MLLT10: variants seen among roughly 807,000 people sequenced by gnomAD.
The protein encoded by MLLT10 is MLLT10 histone lysine methyltransferase DOT1L cofactor.
MLLT10 carries 30 observed loss-of-function variants against 129.1 expected under a neutral mutation model. The ratio of observed to expected loss-of-function variants is 0.23; its 90% CI spans 0.17 to 0.32. The LOEUF (loss-of-function observed/expected upper bound fraction) is 0.32, where lower values mean the gene tolerates loss of function less well. Among genes scored for constraint, MLLT10 ranks in the 10% least tolerant of loss-of-function variants. The pLI is 1.00. For missense variants in MLLT10, 1,119 were observed against 1,268.3 expected, an observed-to-expected ratio of 0.88 and a Z score of 1.79; for synonymous variants, 490 against 446.4, an observed-to-expected ratio of 1.10 and a Z score of -1.23.
intron 2 of MLLT10, among the ~76,000 whole-genome samples, chr10:21,535,053 G>T (rs983183668): frequency 6.0e-5 from 9 of 149,654 alleles, no homozygotes; most frequent in African/African-American, 2.2e-4. Flanking sequence ...CCTGGGGCCG[G>T]GGTCTGCTGA....
At chr10:21,589,367 T>C (rs2131105847) in intron 4 of MLLT10, among the ~76,000 whole-genome samples, 1 of 151,922 alleles carries the variant, frequency 6.6e-6, no homozygotes, top group East Asian at 1.9e-4. Context: ...CATTCTGTTG[T>C]TCAGGCTGAA....
chr10:21,717,501 T>TCCA lies in MLLT10; in HGVS notation c.1878+3553_1878+3554insACC, dbSNP rs1366603771. ...CTTATATTCCTCCTCCTCCTCCTCC[T>TCCA]CCTCCTCCTCCTCCACCACCTCCTC... On this transcript the variant is annotated intron_variant, in intron 14 of 22. Coordinates refer to ENST00000307729, the MANE Select transcript of MLLT10 (RefSeq NM_001195626.3). Among the ~76,000 whole-genome samples the TCCA allele has an allele frequency of 5.7e-3, 450 of 78,764 alleles. 5 individuals carry two copies. Among genetic ancestry groups the TCCA allele is most frequent in the African/African-American group, 0.02 (429 of 21,030 alleles). The allele number at this position is 78,764 out of a possible 152,430, so 51.7% of individuals were successfully genotyped here. A position where few individuals can be genotyped will look rare whatever the true frequency, so the allele number is the denominator to read the frequency against.
intron 2 of MLLT10, among the ~76,000 whole-genome samples, chr10:21,538,154 A>ATT (rs747900217): frequency 3.0e-5 from 4 of 132,758 alleles, no homozygotes; most frequent in South Asian, 2.4e-4. Context: ...TGCCCAGCTA[A>ATT]TTTTTTTTTT....
intron 5 of MLLT10, among the ~76,000 whole-genome samples, chr10:21,609,412 A>G (rs1165616833): frequency 2.0e-5 from 3 of 152,202 alleles, no homozygotes; most frequent in African/African-American, 7.2e-5. Flanking sequence ...GGTCAGAGTA[A>G]CTAACTTTTC....
At chr10:21,562,540 G>A (rs2038961911) in intron 3 of MLLT10, among the ~76,000 whole-genome samples, 1 of 151,708 alleles carries the variant, frequency 6.6e-6, no homozygotes, top group African/African-American at 2.4e-5. Flanking sequence ...GTTTTACCAT[G>A]TTGGCGAGGC....
At chr10:21,730,527 G>A (rs1234768174) in intron 16 of MLLT10, among the ~76,000 whole-genome samples, 1 of 152,062 alleles carries the variant, frequency 6.6e-6, no homozygotes, top group African/African-American at 2.4e-5. Context: ...AAAGCAGAAT[G>A]GTGAAACCCT....
intron 8 of MLLT10, among the ~76,000 whole-genome samples, chr10:21,651,273 T>C (rs2049006622): frequency 6.6e-6 from 1 of 152,122 alleles, no homozygotes; most frequent in Admixed American, 6.5e-5. Flanking sequence ...GGTTTCACCG[T>C]GTTGGTCAGG....
intron 9 of MLLT10, among the ~76,000 whole-genome samples, chr10:21,662,636 G>T (rs779476915): frequency 1.6e-4 from 25 of 152,044 alleles, no homozygotes; most frequent in Non-Finnish European, 2.9e-4. Flanking sequence ...ATTAATTATA[G>T]ATTTCAAAAA....
At chr10:21,676,636 G>A (rs1249670166) in intron 11 of MLLT10, among the ~76,000 whole-genome samples, 4 of 138,328 alleles carry the variant, frequency 2.9e-5, no homozygotes, top group African/African-American at 1.1e-4. Flanking sequence ...CAGGAGAATC[G>A]CTTAAACCCG....
intron 3 of MLLT10, among the ~76,000 whole-genome samples, chr10:21,581,000 CTG>C (rs1283535416): frequency 6.6e-6 from 1 of 150,764 alleles, no homozygotes; most frequent in African/African-American, 2.4e-5. Context: ...GCGTGAGACA[CTG>C]TGTCCAGCCT....
intron 14 of MLLT10, among the ~76,000 whole-genome samples, chr10:21,720,674 G>A (rs770441014): frequency 4.1e-4 from 62 of 152,094 alleles, no homozygotes; most frequent in Non-Finnish European, 7.1e-4. Context: ...AGGCATTTAT[G>A]CTATTTAAGT....
intron 21 of MLLT10, among the ~76,000 whole-genome samples, chr10:21,736,114 T>C (rs1222345428): frequency 6.6e-6 from 1 of 152,140 alleles, no homozygotes; most frequent in Non-Finnish European, 1.5e-5. Context: ...AAATAATGAT[T>C]TACATTTTAA....
At chr10:21,696,816 A>G (rs1307471418) in intron 13 of MLLT10, among the ~76,000 whole-genome samples, 1 of 152,082 alleles carries the variant, frequency 6.6e-6, no homozygotes, top group African/African-American at 2.4e-5. Flanking sequence ...TAGCTACTTA[A>G]GTCATCTCCC....
intron 3 of MLLT10, chr10:21,557,031 C>G: frequency 1.4e-6 from 2 of 1,449,438 alleles, no homozygotes; most frequent in Non-Finnish European, 1.8e-6. Flanking sequence ...AGTCTTCAGT[C>G]TATCCTGTTT....
Position 21,734,043 on chromosome 10 carries a change from C to G in MLLT10, c.2772C>G (p.Val924=), listed in dbSNP as rs1589889656. The G allele has an allele frequency of 1.9e-6, 3 of 1,614,202 alleles. No homozygotes were observed. The East Asian group carries it at 6.7e-5, about 36-fold the overall frequency. The change falls in exon 20 of 23, where the codon GTC becomes GTG. Residue 924 remains valine (V), a synonymous_variant. Transcript: ENST00000307729. ...GALNGVMQTP[V]TMSQNPTPLT... is the part of the protein sequence containing the mutation. ...TAAATGGGGTTATGCAGACTCCTGT[C>G]ACAATGTCCCAGAACCCTACCCCTC... is the stretch of plus-strand genomic sequence containing the variant.
chr10:21,617,035 G>A (rs969772562), intron 7 of MLLT10, 77 bp from the exon 8 acceptor site: 15 of 586,486 alleles, frequency 2.6e-5, no homozygotes, highest in African/African-American at 2.3e-4. Flanking sequence ...AGTTGAATTG[G>A]TTTAAGCCTA....
In MLLT10 at chr10:21,681,345, G is replaced by T. The variant is rs763151720; in HGVS notation, c.1635G>T (p.Gln545His). Residue 545 changes from glutamine (Q) to histidine (H), a missense_variant, in exon 12 of 23, where the codon CAG becomes CAT. By Grantham distance (24) the Gln-to-His change is conservative. Transcript: ENST00000307729. ...SSPVGSEISM[Q>H]YRHDGACPTT... ...TCCTCTCAACAGAAATTTCCATGCAGTATCGGCATGATGGAGCTTGCCCAA... is the reference window on the plus strand; with the variant it reads ...TCCTCTCAACAGAAATTTCCATGCATTATCGGCATGATGGAGCTTGCCCAA... 3.1e-6 allele frequency: 5 copies of T among 1,612,114 alleles called. No individual in the cohort carries two copies. The South Asian group carries it at 5.5e-5, about 18-fold the overall frequency.
At chr10:21,563,734 T>A (rs2039156657) in intron 3 of MLLT10, among the ~76,000 whole-genome samples, 2 of 151,982 alleles carry the variant, frequency 1.3e-5, no homozygotes. Context: ...GGTTTTCATG[T>A]GAGCATAAGT....
intron 15 of MLLT10, among the ~76,000 whole-genome samples, chr10:21,727,378 C>T (rs1396600438): frequency 1.3e-5 from 2 of 151,952 alleles, no homozygotes; most frequent in African/African-American, 4.8e-5. Flanking sequence ...TGGTGTAAGG[C>T]TCTAGTGTCT....
Sources: gnomAD v4.1 joint callset for allele counts (sites outside exome capture counted in the v4.1 genomes callset) on GRCh38, gnomAD v4.1.1 for gene constraint, MANE v1.5 for transcripts, NCBI Gene and HGNC (gene_info 2026-07-23, HGNC 2026-07-21) for gene names.